The following CHCHD6 variants were observed in gnomAD, a reference collection of about 807,000 sequenced individuals.
The protein encoded by CHCHD6 is MICOS complex subunit MIC25.
CHCHD6 carries 28 observed loss-of-function variants against 32.3 expected under a neutral mutation model. The ratio of observed to expected loss-of-function variants is 0.87; its 90% confidence interval spans 0.64 to 1.19. The LOEUF is 1.19. Among genes scored for constraint, CHCHD6 ranks in the 50% most tolerant of loss-of-function variants. The probability of loss-of-function intolerance (pLI) is 0.00; values close to 1 mark genes in which losing one functional copy is unlikely to be tolerated. For missense variants in CHCHD6, 333 were observed against 307.0 expected (o/e 1.08, Z -0.63); for synonymous variants, 122 against 117.5 (o/e 1.04, Z -0.25).
At chr3:126,957,916 C>T (rs969500100) in intron 7 of CHCHD6, 6 of 371,472 alleles carry the variant, frequency 1.6e-5, no homozygotes, top group South Asian at 4.8e-5. Context: ...GGCAGAGGCC[C>T]GAGTGCAGAG....
intron 4 of CHCHD6, among the ~76,000 whole-genome samples, chr3:126,772,278 T>G (rs1361430990): frequency 2.6e-5 from 4 of 152,098 alleles, no homozygotes; most frequent in African/African-American, 9.7e-5. Flanking sequence ...ATTTTTTGTA[T>G]TTTTAGTAGA....
chr3:126,841,510 A>T (rs113514806), intron 4 of CHCHD6, among the ~76,000 whole-genome samples: 10 of 152,280 alleles, frequency 6.6e-5, no homozygotes, highest in African/African-American at 2.4e-4. Flanking sequence ...GTTGTGAGGA[A>T]CATAATTTAG....
At chr3:126,822,325 T>C (rs973742585) in intron 4 of CHCHD6, among the ~76,000 whole-genome samples, 4 of 152,202 alleles carry the variant, frequency 2.6e-5, no homozygotes, top group Non-Finnish European at 5.9e-5. Flanking sequence ...ACTATTTTTT[T>C]CCTCTCATTG....
intron 5 of CHCHD6, among the ~76,000 whole-genome samples, chr3:126,861,879 CACCATCACCACCTCCCCCTCCATG>C (rs1559886740): frequency 2.4e-5 from 2 of 81,796 alleles, no homozygotes; most frequent in African/African-American, 4.8e-5. Context: ...CCCCCTCCTC[CACCATCACCACCTCCCCCTCCATG>C]ACCATCACCA....
intron 3 of CHCHD6, among the ~76,000 whole-genome samples, chr3:126,732,064 G>T (rs999891087): frequency 7.5e-6 from 1 of 133,266 alleles, no homozygotes; most frequent in Non-Finnish European, 1.5e-5. Context: ...GGACCACATT[G>T]TGAGACCCAA....
At chr3:126,723,694 A>G (rs940046442) in intron 1 of CHCHD6, among the ~76,000 whole-genome samples, 1 of 152,112 alleles carries the variant, frequency 6.6e-6, no homozygotes, top group Non-Finnish European at 1.5e-5. Flanking sequence ...TCAGTTCTCT[A>G]TCTGTTGGAT....
intron 1 of CHCHD6, among the ~76,000 whole-genome samples, chr3:126,725,009 G>A (rs1935468432): frequency 6.6e-6 from 1 of 152,118 alleles, no homozygotes; most frequent in South Asian, 2.1e-4. Context: ...CATCCATGAG[G>A]GTTGGAATCT....
At chr3:126,726,994 C>T (rs1935562549) in intron 1 of CHCHD6, 84 bp from the exon 2 acceptor site, 9 of 916,582 alleles carry the variant, frequency 9.8e-6, no homozygotes, top group East Asian at 2.4e-5. Flanking sequence ...TTCAGTAAAT[C>T]TGGGGCCTGA....
chr3:126,921,237 C>T (rs375765198), intron 6 of CHCHD6, among the ~76,000 whole-genome samples: 1 of 152,172 alleles, frequency 6.6e-6, no homozygotes, highest in Non-Finnish European at 1.5e-5. Flanking sequence ...GTCAAGATCT[C>T]AGAAGACTCC....
chr3:126,735,227 T>C (rs1481032956), intron 4 of CHCHD6, among the ~76,000 whole-genome samples: 2 of 152,180 alleles, frequency 1.3e-5, no homozygotes, highest in Admixed American at 6.5e-5. Flanking sequence ...TCACCTGGAA[T>C]GTATTAATTA....
At chr3:126,865,832 G>A in intron 5 of CHCHD6, 3 of 835,418 alleles carry the variant, frequency 3.6e-6, no homozygotes, top group Non-Finnish European at 4.3e-6. Context: ...CTGAGGTAAG[G>A]GGAAGCAGAA....
intron 6 of CHCHD6, among the ~76,000 whole-genome samples, chr3:126,948,953 C>T (rs922007625): frequency 6.6e-6 from 1 of 152,210 alleles, no homozygotes; most frequent in Admixed American, 6.5e-5. Context: ...CCCAGGCTGG[C>T]TCATGTGGGC....
chr3:126,874,551 G>A (rs865944024), intron 5 of CHCHD6, among the ~76,000 whole-genome samples: 13 of 152,092 alleles, frequency 8.5e-5, no homozygotes, highest in Admixed American at 1.3e-4. Flanking sequence ...CATCTTCCCC[G>A]GGAAATATGC....
chr3:126,738,119 C>G (rs1328867341), intron 4 of CHCHD6, among the ~76,000 whole-genome samples: 1 of 152,164 alleles, frequency 6.6e-6, no homozygotes, highest in African/African-American at 2.4e-5. Flanking sequence ...TGGCAGAGGA[C>G]TTTTGATCTC....
intron 4 of CHCHD6, among the ~76,000 whole-genome samples, chr3:126,834,709 C>G (rs1375059645): frequency 6.6e-6 from 1 of 152,082 alleles, no homozygotes; most frequent in African/African-American, 2.4e-5. Flanking sequence ...GGCTACTTCA[C>G]GACAGAAGGA....
chr3:126,862,258 TCCATCACCTCCTCCTCCTCTA>T (rs1941936054), intron 5 of CHCHD6, among the ~76,000 whole-genome samples: 3 of 46,532 alleles, frequency 6.4e-5, no homozygotes, highest in African/African-American at 2.3e-4. Context: ...CTCCTCCTCC[TCCATCACCTCCTCCTCCTCTA>T]CCATCACCAC....
At chr3:126,882,903 G>T (rs995360117) in intron 5 of CHCHD6, among the ~76,000 whole-genome samples, 1 of 152,206 alleles carries the variant, frequency 6.6e-6, no homozygotes, top group Non-Finnish European at 1.5e-5. Flanking sequence ...ACAGCTGGCA[G>T]CCCCTAGGCA....
intron 4 of CHCHD6, among the ~76,000 whole-genome samples, chr3:126,779,673 C>G (rs529929572): frequency 1.1e-4 from 17 of 152,118 alleles, no homozygotes; most frequent in Non-Finnish European, 2.4e-4. Flanking sequence ...CTCTGGATAT[C>G]CAGTTGTCCC....
At chr3:126,726,397 T>TGATCACA (rs1367432891) in intron 1 of CHCHD6, among the ~76,000 whole-genome samples, 2 of 152,220 alleles carry the variant, frequency 1.3e-5, no homozygotes, top group African/African-American at 4.8e-5. Context: ...GAAATGTCAC[T>TGATCACA]GATCACAGAT....
Sources: allele counts gnomAD v4.1 joint callset (sites outside exome capture counted in the v4.1 genomes callset), GRCh38; gene constraint gnomAD v4.1.1; transcripts MANE v1.5; gene names NCBI Gene and HGNC (gene_info 2026-07-23, HGNC 2026-07-21).